Variants in PHKB observed in about 807,000 individuals in gnomAD.
PHKB encodes phosphorylase kinase regulatory subunit beta, also known as phosphorylase b kinase regulatory subunit beta.
In PHKB, 122 loss-of-function variants were observed where a neutral mutation model predicts 152.1. The observed-to-expected ratio is 0.80, with a 90% CI of 0.69 to 0.93. The LOEUF (loss-of-function observed/expected upper bound fraction) is 0.93, where lower values mean the gene tolerates loss of function less well. PHKB is among the 40% of genes least tolerant of loss of function. PHKB has a pLI of 0.00. For missense variants in PHKB, 1,304 were observed against 1,328.4 expected (o/e 0.98, Z 0.29); for synonymous variants, 436 against 464.9 (o/e 0.94, Z 0.80).
intron 14 of PHKB, among the ~76,000 whole-genome samples, chr16:47,635,549 C>T (rs2151723351): frequency 6.6e-6 from 1 of 152,236 alleles, no homozygotes; most frequent in South Asian, 2.1e-4. Flanking sequence ...ATAAGGAATG[C>T]TTTGGGAGTC....
intron 26 of PHKB, among the ~76,000 whole-genome samples, chr16:47,674,780 T>C (rs535207201): frequency 6.6e-6 from 1 of 152,278 alleles, no homozygotes; most frequent in East Asian, 1.9e-4. Context: ...GAACCCTTGG[T>C]ACTGTTTACT....
At chr16:47,504,698 C>T (rs1970380705) in intron 4 of PHKB, among the ~76,000 whole-genome samples, 2 of 152,180 alleles carry the variant, frequency 1.3e-5, no homozygotes, top group African/African-American at 4.8e-5. Context: ...ATATGGATAC[C>T]AGTAATACTG....
At chr16:47,475,114 G>T (rs1488033647) in intron 1 of PHKB, among the ~76,000 whole-genome samples, 1 of 152,094 alleles carries the variant, frequency 6.6e-6, no homozygotes, top group Non-Finnish European at 1.5e-5. Context: ...TCTGATTTAG[G>T]ATGATTTCAG....
chr16:47,557,429 C>G (rs1156965072), intron 7 of PHKB, among the ~76,000 whole-genome samples: 2 of 152,130 alleles, frequency 1.3e-5, no homozygotes, highest in African/African-American at 2.4e-5. Context: ...AAGAAACTAC[C>G]ACCAGAGTGA....
chr16:47,569,546 TATTG>T (rs1297084955), intron 7 of PHKB, among the ~76,000 whole-genome samples: 20 of 152,320 alleles, frequency 1.3e-4, no homozygotes, highest in Middle Eastern at 3.4e-3. Context: ...GCAGTCATCA[TATTG>T]ATTGTTACCT....
intron 8 of PHKB, among the ~76,000 whole-genome samples, chr16:47,585,371 G>C (rs1033355894): frequency 6.6e-6 from 1 of 152,210 alleles, no homozygotes; most frequent in Non-Finnish European, 1.5e-5. Context: ...AATGACTAGA[G>C]AGATTGCTCA....
intron 14 of PHKB, among the ~76,000 whole-genome samples, chr16:47,637,095 A>G (rs944508918): frequency 1.3e-5 from 2 of 152,138 alleles, no homozygotes; most frequent in Non-Finnish European, 2.9e-5. Flanking sequence ...CATTGGGATG[A>G]GCTGCCTGCA....
chr16:47,672,432 G>A (rs1973653461), intron 26 of PHKB, among the ~76,000 whole-genome samples: 1 of 152,052 alleles, frequency 6.6e-6, no homozygotes, highest in Non-Finnish European at 1.5e-5. Flanking sequence ...CTCTGTACAT[G>A]GTATAAAAGT....
chr16:47,640,914 C>G (rs903581457), intron 14 of PHKB, 121 bp from the exon 15 acceptor site: 49 of 894,074 alleles, frequency 5.5e-5, no homozygotes, highest in Non-Finnish European at 3.2e-5. Context: ...TGAGAGCCAG[C>G]TGGTGTCCAT....
intron 6 of PHKB, among the ~76,000 whole-genome samples, chr16:47,526,558 GAACGGTC>G (rs1229278693): frequency 1.3e-5 from 2 of 151,984 alleles, no homozygotes; most frequent in African/African-American, 2.4e-5. Flanking sequence ...AGGCTGTAGT[GAACGGTC>G]AGGGCACCAC....
intron 7 of PHKB, among the ~76,000 whole-genome samples, chr16:47,577,061 A>AT (rs534770935): frequency 6.6e-6 from 1 of 150,588 alleles, no homozygotes. Flanking sequence ...CATTTTATTG[A>AT]TTTTTTTGTT....
intron 14 of PHKB, among the ~76,000 whole-genome samples, chr16:47,614,432 C>A (rs960226959): frequency 2.6e-5 from 4 of 152,312 alleles, no homozygotes; most frequent in African/African-American, 9.6e-5. Context: ...TAACCATTCA[C>A]ACATTGAAGA....
chr16:47,479,332 C>T (rs948674550), intron 1 of PHKB, among the ~76,000 whole-genome samples: 2 of 152,166 alleles, frequency 1.3e-5, no homozygotes, highest in Admixed American at 6.5e-5. Flanking sequence ...TTAGTTGGTT[C>T]ATGATCTTAC....
At chr16:47,547,384 A>C (rs775604966) in intron 6 of PHKB, 49 bp from the exon 7 acceptor site, 4 of 1,150,726 alleles carry the variant, frequency 3.5e-6, no homozygotes, top group Non-Finnish European at 5.2e-6. Context: ...CACCCGGCCT[A>C]TGTCCTGTTA....
At chr16:47,463,155 A>T (rs1969605415) in intron 1 of PHKB, 1 of 152,604 alleles carries the variant, frequency 6.6e-6, no homozygotes, top group African/African-American at 2.4e-5. Flanking sequence ...AACTTTCATA[A>T]GCTCATAGAG....
At chr16:47,614,982 G>T (rs1301695831) in intron 14 of PHKB, among the ~76,000 whole-genome samples, 1 of 152,112 alleles carries the variant, frequency 6.6e-6, no homozygotes, top group Non-Finnish European at 1.5e-5. Flanking sequence ...ATTACTGAAG[G>T]GTAGTTACGT....
intron 1 of PHKB, among the ~76,000 whole-genome samples, chr16:47,475,860 A>C (rs949534123): frequency 2.6e-5 from 4 of 152,112 alleles, no homozygotes; most frequent in African/African-American, 9.7e-5. Context: ...ACTGTGGCTT[A>C]TATAAACATG....
rs1299349498 is a variant in PHKB, at chr16:47,547,463, G to A, written c.625G>A (p.Val209Met). The change falls in exon 7 of 31, where the codon GTG becomes ATG. Residue 209 changes from valine to methionine, a missense_variant. By Grantham distance (21) the Val-to-Met change is conservative. Transcript: ENST00000323584. ...TTTTATTCAAAACCTTGTATTTTGT[G>A]TGGAAAGAGTTTACCGTGTGCCTGA... The part of the protein sequence containing the change: ...VSFIQNLVFC[V>M]ERVYRVPDFG... 8 of 1,611,152 alleles carry A rather than the reference G, an allele frequency of 5.0e-6. No individual in the cohort carries two copies. The highest frequency in any genetic ancestry group is 6.8e-6 in the Non-Finnish European group (8 of 1,177,500).
At chr16:47,514,492 G>A (rs539381244) in intron 5 of PHKB, among the ~76,000 whole-genome samples, 39 of 152,312 alleles carry the variant, frequency 2.6e-4, no homozygotes, top group South Asian at 1.0e-3. Flanking sequence ...GAGAAGAAGA[G>A]TGTATGAGAG....
Sources: gnomAD v4.1 joint callset for allele counts (sites outside exome capture counted in the v4.1 genomes callset) on GRCh38, gnomAD v4.1.1 for gene constraint, MANE v1.5 for transcripts, NCBI Gene and HGNC (gene_info 2026-07-23, HGNC 2026-07-21) for gene names.